FGGY: variants seen among roughly 807,000 people sequenced by gnomAD.
The protein encoded by FGGY is FGGY carbohydrate kinase domain containing, also known as FGGY carbohydrate kinase domain-containing protein.
In FGGY, 72 loss-of-function variants were observed where a neutral mutation model predicts 71.3. The observed-to-expected ratio is 1.01, with a 90% confidence interval of 0.84 to 1.23. The LOEUF (loss-of-function observed/expected upper bound fraction) is 1.23. Ranked by LOEUF, FGGY falls within the 50% of genes most tolerant of loss-of-function variation. The pLI is 0.00. For missense variants in FGGY, 668 were observed against 682.3 expected, an observed-to-expected ratio of 0.98 and a Z score of 0.23; for synonymous variants, 251 against 250.3, an observed-to-expected ratio of 1.00 and a Z score of -0.02.
chr1:59,449,856 G>T (rs2072271877), intron 5 of FGGY, among the ~76,000 whole-genome samples: 1 of 152,100 alleles, frequency 6.6e-6, no homozygotes, highest in Non-Finnish European at 1.5e-5. Flanking sequence ...TATAGTCTCA[G>T]CTACTTAGGA....
rs1009268935 is a variant in FGGY at position 59,379,440 on chromosome 1, A to G, written c.554+603A>G. 3.9e-5 allele frequency among the ~76,000 whole-genome samples: 6 copies of G among 152,168 alleles called. 1 individual carries two copies. In the South Asian group the frequency reaches 1.2e-3, roughly 32 times the overall value. ...TTGTATATCTAAACATAGAAAAGAT[A>G]TCATAAAAATACAATGTAAAAGATA... On this transcript the variant is annotated intron_variant, in intron 5 of 15. Coordinates refer to ENST00000303721, the MANE Select transcript of FGGY (RefSeq NM_018291.5).
intron 2 of FGGY, 116 bp from the exon 3 acceptor site, chr1:59,339,842 T>C: frequency 1.6e-6 from 1 of 635,930 alleles, no homozygotes; most frequent in South Asian, 2.1e-5. Context: ...TTTTTATCTG[T>C]TTTATGTTGT....
intron 8 of FGGY, among the ~76,000 whole-genome samples, chr1:59,585,885 T>C (rs1180278857): frequency 2.0e-5 from 3 of 152,182 alleles, no homozygotes; most frequent in African/African-American, 2.4e-5. Context: ...AAAGAAGACA[T>C]TTATGCAGCC....
At chr1:59,689,506 C>T (rs2097572415) in intron 14 of FGGY, among the ~76,000 whole-genome samples, 1 of 151,896 alleles carries the variant, frequency 6.6e-6, no homozygotes, top group African/African-American at 2.4e-5. Flanking sequence ...CTCAGTATTC[C>T]CTTATCCTTT....
At chr1:59,334,122 G>A (rs835384) in intron 2 of FGGY, among the ~76,000 whole-genome samples, 5 of 151,860 alleles carry the variant, frequency 3.3e-5, no homozygotes, top group South Asian at 2.1e-4. Context: ...CCTTTCCCTC[G>A]CCAATCATCC....
chr1:59,310,735 G>T (rs1178902639), intron 1 of FGGY, among the ~76,000 whole-genome samples: 1 of 152,196 alleles, frequency 6.6e-6, no homozygotes, highest in African/African-American at 2.4e-5. Flanking sequence ...CTCAGTGTGT[G>T]TTCCTATTTA....
At chr1:59,306,364 G>A (rs1398134893) in intron 1 of FGGY, among the ~76,000 whole-genome samples, 3 of 152,174 alleles carry the variant, frequency 2.0e-5, no homozygotes, top group Non-Finnish European at 4.4e-5. Flanking sequence ...AAAAACATAA[G>A]CTATAACTAA....
At chr1:59,589,490 T>C (rs911046590) in intron 8 of FGGY, among the ~76,000 whole-genome samples, 25 of 152,180 alleles carry the variant, frequency 1.6e-4, no homozygotes, top group Non-Finnish European at 1.5e-4. Flanking sequence ...ATACATTTTT[T>C]CCAGCACCAC....
intron 5 of FGGY, among the ~76,000 whole-genome samples, chr1:59,414,423 A>C (rs914101818): frequency 6.6e-6 from 1 of 152,200 alleles, no homozygotes; most frequent in Non-Finnish European, 1.5e-5. Context: ...TCATCTTCAC[A>C]TAAGGATAGC....
At chr1:59,548,860 CAT>C (rs2095565730) in intron 7 of FGGY, among the ~76,000 whole-genome samples, 1 of 151,990 alleles carries the variant, frequency 6.6e-6, no homozygotes, top group African/African-American at 2.4e-5. Context: ...CCTATATTAA[CAT>C]ATATAATTTT....
chr1:59,598,015 C>T (rs1040854105), intron 8 of FGGY, among the ~76,000 whole-genome samples: 14 of 152,192 alleles, frequency 9.2e-5, no homozygotes, highest in African/African-American at 3.1e-4. Flanking sequence ...AGATGGAGCA[C>T]GCTACCTCCT....
chr1:59,732,591 C>T (rs2098047351), intron 14 of FGGY, among the ~76,000 whole-genome samples: 1 of 151,960 alleles, frequency 6.6e-6, no homozygotes, highest in African/African-American at 2.4e-5. Flanking sequence ...GTTCTTATCA[C>T]TCTGTCCTCT....
chr1:59,337,798 C>T (rs1266186682), intron 2 of FGGY, among the ~76,000 whole-genome samples: 3 of 152,122 alleles, frequency 2.0e-5, no homozygotes, highest in African/African-American at 7.2e-5. Flanking sequence ...GAGATCATGT[C>T]ATCTGCAAAG....
chr1:59,520,459 A>G (rs1321951204), intron 7 of FGGY, among the ~76,000 whole-genome samples: 1 of 152,144 alleles, frequency 6.6e-6, no homozygotes, highest in Non-Finnish European at 1.5e-5. Flanking sequence ...TCTAAATGTT[A>G]CTTTGTGGAA....
At chr1:59,319,759 G>A (rs6663967) in intron 1 of FGGY, among the ~76,000 whole-genome samples, 74 of 152,230 alleles carry the variant, frequency 4.9e-4, no homozygotes, top group African/African-American at 1.7e-3. Flanking sequence ...TGGATGGCAG[G>A]CAGAGGGAGC....
At chr1:59,615,804 A>G (rs1330687288) in intron 9 of FGGY, among the ~76,000 whole-genome samples, 1 of 152,208 alleles carries the variant, frequency 6.6e-6, no homozygotes, top group Non-Finnish European at 1.5e-5. Context: ...TCACAAGAAT[A>G]AAAGAAACAA....
intron 2 of FGGY, among the ~76,000 whole-genome samples, chr1:59,327,835 C>G (rs2047712227): frequency 6.6e-6 from 1 of 152,186 alleles, no homozygotes; most frequent in African/African-American, 2.4e-5. Context: ...ACATCTTCAT[C>G]AGAACTCTTT....
At chr1:59,652,516 C>CT (rs2097173602) in intron 11 of FGGY, among the ~76,000 whole-genome samples, 2 of 144,494 alleles carry the variant, frequency 1.4e-5, no homozygotes, top group Admixed American at 1.4e-4. Flanking sequence ...TCTTCCATTG[C>CT]TGATACCCTT....
chr1:59,724,157 C>A (rs561874266), intron 14 of FGGY, among the ~76,000 whole-genome samples: 2 of 151,262 alleles, frequency 1.3e-5, no homozygotes, highest in Non-Finnish European at 2.9e-5. Context: ...AGCAAGACTC[C>A]GTCTCAATTA....
Sources: allele counts gnomAD v4.1 joint callset (sites outside exome capture counted in the v4.1 genomes callset), GRCh38; gene constraint gnomAD v4.1.1; transcripts MANE v1.5; gene names NCBI Gene and HGNC (gene_info 2026-07-23, HGNC 2026-07-21).